The following IQCH variants were observed in gnomAD, a reference collection of about 807,000 sequenced individuals.
IQCH encodes the protein IQ motif containing H, also known as IQ domain-containing protein H.
In IQCH, 98 loss-of-function variants were observed where a neutral mutation model predicts 117.0. The ratio of observed to expected loss-of-function variants is 0.84; its 90% CI spans 0.71 to 0.99. The LOEUF (loss-of-function observed/expected upper bound fraction) is 0.99. IQCH is among the 50% of genes least tolerant of loss of function. The pLI, the probability that IQCH is intolerant of heterozygous loss-of-function variation, is 0.00. For synonymous variants in IQCH, 412 were observed against 448.2 expected, an observed-to-expected ratio of 0.92 and a Z score of 1.02; for missense variants, 1,102 against 1,243.8, an observed-to-expected ratio of 0.89 and a Z score of 1.72.
chr15:67,461,847 G>A (rs549279314), intron 16 of IQCH, among the ~76,000 whole-genome samples: 147 of 152,128 alleles, frequency 9.7e-4, no homozygotes, highest in Non-Finnish European at 1.6e-3. Flanking sequence ...GAACAATTAC[G>A]TATGGGGACA....
At position 67,490,586 on chromosome 15, in the gene IQCH, G is replaced by C. The variant is rs986162153; in HGVS notation, c.2861+522G>C. 6.6e-6 allele frequency among the ~76,000 whole-genome samples: 1 copy of C among 152,172 alleles called. No individual in the cohort carries two copies. Among genetic ancestry groups the C allele is most frequent in the African/African-American group, 2.4e-5 (1 of 41,430 alleles). On this transcript the variant is annotated intron_variant, in intron 19 of 20. Transcript: ENST00000335894. This position sits in a 1 kb window ranked among gnomAD's most constrained non-coding sequence, Gnocchi z 4.9. ...TTAATTACCTAAAATTAATGGGTAA[G>C]ATTTAGATTTAACAACATATTATAC...
rs1253171628 is a variant in IQCH, at chr15:67,443,499, A to C, written c.2506-21628A>C. ...TGTATACTGCTTGGGTGATGGGTGCAGCAAATTTTCACAAATCACCACAAA... is the reference window on the plus strand; with the variant it reads ...TGTATACTGCTTGGGTGATGGGTGCCGCAAATTTTCACAAATCACCACAAA... On this transcript the variant is annotated intron_variant, in intron 16 of 20. Coordinates refer to ENST00000335894, the MANE Select transcript of IQCH (RefSeq NM_001031715.3). The surrounding 1 kb of genome is among the most constrained non-coding windows in gnomAD (Gnocchi z 5.0). 6.6e-6 allele frequency among the ~76,000 whole-genome samples: 1 copy of C among 152,178 alleles called. No homozygotes were observed. The highest frequency in any genetic ancestry group is 6.5e-5 in the Admixed American group (1 of 15,274).
In IQCH at chr15:67,474,310, A is replaced by G. The variant is rs764946913; in HGVS notation, c.2677-1386A>G. ...TACTCCTTTTCCAGGTCACTGCATA[A>G]GTCTGGGTACCTAGTTGCCCAGCAC... is the stretch of plus-strand genomic sequence containing the variant. On this transcript the variant is annotated intron_variant, in intron 17 of 20. Coordinates refer to ENST00000335894, the MANE Select transcript of IQCH (RefSeq NM_001031715.3). This position sits in a 1 kb window ranked among gnomAD's most constrained non-coding sequence, Gnocchi z 4.1. Among the ~76,000 whole-genome samples, 3 of 152,084 alleles carry G rather than the reference A, an allele frequency of 2.0e-5. No homozygotes were observed. Among genetic ancestry groups the G allele is most frequent in the African/African-American group, 7.2e-5 (3 of 41,394 alleles).
chr15:67,430,421 T>A lies in IQCH; in HGVS notation c.2505+8844T>A, dbSNP rs1596360749. 1 of 152,312 alleles carries A rather than the reference T, an allele frequency of 6.6e-6. No homozygotes were observed. Among genetic ancestry groups the A allele is most frequent in the East Asian group, 1.9e-4 (1 of 5,186 alleles). The allele number at this position is 152,312 out of a possible 1,614,324, so 9.4% of individuals were successfully genotyped here. On this transcript the variant is annotated intron_variant, in intron 16 of 20. Transcript: ENST00000335894. The surrounding 1 kb of genome is among the most constrained non-coding windows in gnomAD (Gnocchi z 5.1). ...AGGTGCTGTGGAAATAAACAAGACA[T>A]CTTCTGTATCATGACAAAGCTTATT...
rs1391236648 is a variant in IQCH, at chr15:67,254,854, G to T, written c.-43G>T. The T allele has an allele frequency of 6.3e-7, 1 of 1,599,718 alleles. No homozygotes were observed. The highest frequency in any genetic ancestry group is 8.5e-7 in the Non-Finnish European group (1 of 1,170,804). On this transcript the variant is annotated 5_prime_UTR_variant, in exon 1 of 21. Transcript: ENST00000335894. ...GCTCCGGCTGAAGGTTTCCGTGCTTGGAAACCGCGCCTCCGCGGAGGTAGC... is the reference window on the plus strand; with the variant it reads ...GCTCCGGCTGAAGGTTTCCGTGCTTTGAAACCGCGCCTCCGCGGAGGTAGC...
At chr15:67,441,905 AG>A in intron 16 of IQCH, among the ~76,000 whole-genome samples, 1 of 152,298 alleles carries the variant, frequency 6.6e-6, no homozygotes, top group East Asian at 1.9e-4. Context: ...ATTAAATGAA[AG>A]GGCTTTTTTG....
chr15:67,500,639 A>G lies in IQCH; in HGVS notation c.2977A>G (p.Ile993Val). The change falls in exon 21 of 21, where the codon ATT becomes GTT. Residue 993 changes from isoleucine to valine, a missense_variant. By Grantham distance (29) the Ile-to-Val change is conservative. Coordinates refer to ENST00000335894, the MANE Select transcript of IQCH (RefSeq NM_001031715.3). The surrounding 1 kb of genome is among the most constrained non-coding windows in gnomAD (Gnocchi z 4.4). ...ATATTGTCTTTATTTACAGACCACC[A>G]TTGCTGATATTGAAACTATTCTAAG... ...MQGETNFKTT[I>V]ADIETILRVT... 6.6e-7 allele frequency: 1 copy of G among 1,510,980 alleles called. No individual in the cohort carries two copies. Among genetic ancestry groups the G allele is most frequent in the Non-Finnish European group, 9.2e-7 (1 of 1,092,564 alleles). 93.6% of individuals were successfully genotyped at this position (1,510,980 alleles called of 1,614,324 possible).
At chr15:67,272,281 A>G (rs75260023) in intron 3 of IQCH, among the ~76,000 whole-genome samples, 3,637 of 152,286 alleles carry the variant, frequency 0.024, 72 homozygotes, top group Non-Finnish European at 0.04. Context: ...AATACTTAAT[A>G]TGGTTTCTAC....
chr15:67,452,896 C>T (rs541291981), intron 16 of IQCH, among the ~76,000 whole-genome samples: 96 of 152,282 alleles, frequency 6.3e-4, no homozygotes, highest in African/African-American at 2.3e-3. Context: ...TCACATAGTC[C>T]CATATTTTTT....
At chr15:67,434,313 TA>T (rs386784951) in intron 16 of IQCH, among the ~76,000 whole-genome samples, 1 of 152,206 alleles carries the variant, frequency 6.6e-6, no homozygotes, top group African/African-American at 2.4e-5. Context: ...ATTCCACATG[TA>T]AGTGAGATCA....
At chr15:67,305,438 A>G (rs539730128) in intron 4 of IQCH, among the ~76,000 whole-genome samples, 3 of 152,240 alleles carry the variant, frequency 2.0e-5, no homozygotes, top group Non-Finnish European at 2.9e-5. Flanking sequence ...AAATACTTCT[A>G]TAGCCTAAGA....
rs906518603 is a variant in IQCH at position 67,481,530 on chromosome 15, A to C, written c.2799+5712A>C. On this transcript the variant is annotated intron_variant, in intron 18 of 20. Coordinates refer to ENST00000335894, the MANE Select transcript of IQCH (RefSeq NM_001031715.3). The surrounding 1 kb of genome is among the most constrained non-coding windows in gnomAD (Gnocchi z 4.1). ...ATTATGAGAACTACATTAAAAATAA[A>C]ATTTGGGTGGGGACACAGCCAAACC... Among the ~76,000 whole-genome samples the C allele has an allele frequency of 6.6e-6, 1 of 152,158 alleles. No individual in the cohort carries two copies.
rs1026203837 is a variant in IQCH, at chr15:67,393,485, A to G, written c.1633-1806A>G. ...TCCCTTGAGACCCTGGCACTTTTACATTATATTATTTGCATAACATTTTAA... is the reference window on the plus strand; with the variant it reads ...TCCCTTGAGACCCTGGCACTTTTACGTTATATTATTTGCATAACATTTTAA... On this transcript the variant is annotated intron_variant, in intron 12 of 20. Transcript: ENST00000335894. This position sits in a 1 kb window ranked among gnomAD's most constrained non-coding sequence, Gnocchi z 5.5. 2.0e-5 allele frequency among the ~76,000 whole-genome samples: 3 copies of G among 152,126 alleles called. No individual in the cohort carries two copies. Among genetic ancestry groups the G allele is most frequent in the African/African-American group, 4.8e-5 (2 of 41,434 alleles).
rs1307722709 is a variant in IQCH at position 67,406,134 on chromosome 15, TC to T, written c.2097+5830del. The T allele has an allele frequency of 6.6e-6, 1 of 152,208 alleles. No homozygotes were observed. Among genetic ancestry groups the T allele is most frequent in the Non-Finnish European group, 1.5e-5 (1 of 68,046 alleles). The allele number at this position is 152,208 out of a possible 1,614,324, so 9.4% of individuals were successfully genotyped here. ...ATGCCTTTCTCAATTTAATACACTA[TC>T]GTGATCATTTTAGTGAGCCTGTAAA... On this transcript the variant is annotated intron_variant, in intron 14 of 20. Coordinates refer to ENST00000335894, the MANE Select transcript of IQCH (RefSeq NM_001031715.3). This position sits in a 1 kb window ranked among gnomAD's most constrained non-coding sequence, Gnocchi z 4.5.
intron 4 of IQCH, 149 bp downstream of exon 4, chr15:67,279,661 G>A: frequency 3.9e-6 from 2 of 519,142 alleles, no homozygotes. Flanking sequence ...GGTGATGATT[G>A]CACTACTCTG....
At position 67,416,191 on chromosome 15, in the gene IQCH, T is replaced by G. The variant is rs1028704479; in HGVS notation, c.2098-740T>G. ...TGAGGTCAGGAGTTCGAGATCAGTATGACCAACATGGTGAAACCCTATCTC... is the reference window on the plus strand; with the variant it reads ...TGAGGTCAGGAGTTCGAGATCAGTAGGACCAACATGGTGAAACCCTATCTC... On this transcript the variant is annotated intron_variant, in intron 14 of 20. Coordinates refer to ENST00000335894, the MANE Select transcript of IQCH (RefSeq NM_001031715.3). The surrounding 1 kb of genome is among the most constrained non-coding windows in gnomAD (Gnocchi z 5.1). Among the ~76,000 whole-genome samples, 1 of 152,176 alleles carries G rather than the reference T, an allele frequency of 6.6e-6. No individual in the cohort carries two copies. The highest frequency in any genetic ancestry group is 2.4e-5 in the African/African-American group (1 of 41,448).
intron 6 of IQCH, among the ~76,000 whole-genome samples, chr15:67,348,381 G>GCA (rs1443310173): frequency 5.0e-4 from 53 of 105,808 alleles, no homozygotes; most frequent in African/African-American, 8.4e-4. Context: ...ACACACACAC[G>GCA]CACACACAAA....
intron 16 of IQCH, among the ~76,000 whole-genome samples, chr15:67,446,493 T>C (rs1183752571): frequency 6.6e-6 from 1 of 152,040 alleles, no homozygotes; most frequent in Non-Finnish European, 1.5e-5. Context: ...TGCTAGAAAA[T>C]GAACCCAGGG....
chr15:67,289,416 G>T (rs767280729), intron 4 of IQCH, among the ~76,000 whole-genome samples: 31 of 152,022 alleles, frequency 2.0e-4, no homozygotes, highest in Admixed American at 5.9e-4. Flanking sequence ...ACAGTGATTA[G>T]TAGTAGAACT....
Sources: gnomAD v4.1 joint callset for allele counts (sites outside exome capture counted in the v4.1 genomes callset) on GRCh38, gnomAD v4.1.1 for gene constraint, Gnocchi (gnomAD v3.1) non-coding constraint, MANE v1.5 for transcripts, NCBI Gene and HGNC (gene_info 2026-07-23, HGNC 2026-07-21) for gene names.